Variants in CUX2 observed in about 807,000 individuals in gnomAD.
CUX2 encodes the protein homeobox protein cut-like 2.
CUX2 carries 40 observed loss-of-function variants against 144.8 expected under a neutral mutation model. The observed-to-expected ratio is 0.28, with a 90% CI of 0.21 to 0.36. The LOEUF is 0.36. Ranked by LOEUF, CUX2 falls within the 10% of genes least tolerant of loss-of-function variation. The pLI, the probability that CUX2 is intolerant of heterozygous loss-of-function variation, is 1.00. For missense variants in CUX2, 1,615 were observed against 1,994.0 expected (o/e 0.81, Z 3.62); for synonymous variants, 827 against 875.6 (o/e 0.94, Z 0.98).
intron 3 of CUX2, among the ~76,000 whole-genome samples, chr12:111,223,656 A>C (rs1592854422): frequency 6.6e-6 from 1 of 152,222 alleles, no homozygotes; most frequent in African/African-American, 2.4e-5. Flanking sequence ...ATAAGACAGC[A>C]CATGGCGGAG....
rs1442399445 is a variant in CUX2, at chr12:111,246,764, G to GT, written c.223-16995dup. On this transcript the variant is annotated intron_variant, in intron 3 of 21. Transcript: ENST00000261726. This position sits in a 1 kb window ranked among gnomAD's most constrained non-coding sequence, Gnocchi z 4.0. ...TTTGTATGCAACTGCTCTCCCTCCT[G>GT]TTGAATCAACGGCCTGCCTCTCTTG... Among the ~76,000 whole-genome samples the GT allele has an allele frequency of 2.6e-5, 4 of 152,160 alleles. No individual in the cohort carries two copies. The highest frequency in any genetic ancestry group is 6.5e-5 in the Admixed American group (1 of 15,278).
At chr12:111,325,243 G>T (rs949568423) in intron 18 of CUX2, among the ~76,000 whole-genome samples, 1 of 151,740 alleles carries the variant, frequency 6.6e-6, no homozygotes, top group African/African-American at 2.4e-5. Flanking sequence ...GCAATGAGCC[G>T]AGATCCTGTC....
chr12:111,133,165 C>G (rs913487714), intron 1 of CUX2, among the ~76,000 whole-genome samples: 14 of 152,152 alleles, frequency 9.2e-5, no homozygotes, highest in African/African-American at 3.4e-4. Context: ...CTAGGAGGTT[C>G]CAAACATTTC....
chr12:111,188,646 G>A (rs893270972), intron 1 of CUX2, among the ~76,000 whole-genome samples: 1 of 152,140 alleles, frequency 6.6e-6, no homozygotes, highest in South Asian at 2.1e-4. Context: ...GAGCGGGGGG[G>A]AAAGGAGGGC....
chr12:111,305,091 C>T (rs1185903631), intron 10 of CUX2, among the ~76,000 whole-genome samples: 1 of 152,164 alleles, frequency 6.6e-6, no homozygotes, highest in African/African-American at 2.4e-5. Flanking sequence ...CTTTGGGGTC[C>T]TAGTGTCATT....
chr12:111,235,518 C>T (rs1380084912), intron 3 of CUX2, among the ~76,000 whole-genome samples: 3 of 151,796 alleles, frequency 2.0e-5, no homozygotes, highest in African/African-American at 2.4e-5. Flanking sequence ...GTCGGGAGTT[C>T]GAGACCAGCC....
At chr12:111,107,242 G>GT (rs1036900054) in intron 1 of CUX2, among the ~76,000 whole-genome samples, 3 of 152,186 alleles carry the variant, frequency 2.0e-5, no homozygotes, top group Non-Finnish European at 2.9e-5. Context: ...AGACCCCCCG[G>GT]TGGCCTTCCT....
chr12:111,065,461 G>C (rs1414801973), intron 1 of CUX2, among the ~76,000 whole-genome samples: 1 of 152,198 alleles, frequency 6.6e-6, no homozygotes, highest in Non-Finnish European at 1.5e-5. Flanking sequence ...TCAGCCTCCT[G>C]AGTAGCTGGG....
At chr12:111,070,958 C>T (rs1230840679) in intron 1 of CUX2, among the ~76,000 whole-genome samples, 1 of 152,024 alleles carries the variant, frequency 6.6e-6, no homozygotes, top group Non-Finnish European at 1.5e-5. Flanking sequence ...TTTTTTAGTG[C>T]CAAATAATAT....
At chr12:111,276,574 T>C (rs1158801588) in intron 4 of CUX2, among the ~76,000 whole-genome samples, 1 of 152,120 alleles carries the variant, frequency 6.6e-6, no homozygotes, top group Non-Finnish European at 1.5e-5. Context: ...TAGGCCTCAG[T>C]GTTCTCATCT....
Position 111,059,448 on chromosome 12 carries a change from G to C in CUX2, c.63+25208G>C, listed in dbSNP as rs1021870147. On this transcript the variant is annotated intron_variant, in intron 1 of 21. Transcript: ENST00000261726. This position sits in a 1 kb window ranked among gnomAD's most constrained non-coding sequence, Gnocchi z 5.3. Reference sequence around the variant, plus strand: ...TAGCCAGGCCAACTCCCAGTGAGGGGAGCAGGACTACTGCCTGATTCCTGG... The same window carrying C: ...TAGCCAGGCCAACTCCCAGTGAGGGCAGCAGGACTACTGCCTGATTCCTGG... 1.3e-5 allele frequency among the ~76,000 whole-genome samples: 2 copies of C among 152,224 alleles called. No individual in the cohort carries two copies. Among genetic ancestry groups the C allele is most frequent in the African/African-American group, 4.8e-5 (2 of 41,448 alleles).
At chr12:111,198,873 G>GC (rs752523456) in intron 1 of CUX2, among the ~76,000 whole-genome samples, 32 of 152,196 alleles carry the variant, frequency 2.1e-4, no homozygotes, top group Non-Finnish European at 3.5e-4. Context: ...GCAGAGAGGG[G>GC]CCCCCCTAAG....
Position 111,295,464 on chromosome 12 carries a change from T to C in CUX2, c.637+55T>C. 6.6e-7 allele frequency: 1 copy of C among 1,511,156 alleles called. No homozygotes were observed. The highest frequency in any genetic ancestry group is 9.1e-7 in the Non-Finnish European group (1 of 1,103,572). 93.6% of individuals were successfully genotyped at this position (1,511,156 alleles called of 1,614,324 possible). A position where few individuals can be genotyped will look rare whatever the true frequency, so the allele number is the denominator to read the frequency against. On this transcript the variant is annotated intron_variant, in intron 7 of 21. Coordinates refer to ENST00000261726, the MANE Select transcript of CUX2 (RefSeq NM_015267.4). This position sits in a 1 kb window ranked among gnomAD's most constrained non-coding sequence, Gnocchi z 5.0. ...GAGGACTGGGAGGGGACGGTAATGC[T>C]GTCAACGAGGGGTCACGGCTTGGGG...
At chr12:111,211,831 G>A (rs1365050709) in intron 1 of CUX2, among the ~76,000 whole-genome samples, 2 of 151,248 alleles carry the variant, frequency 1.3e-5, no homozygotes, top group Non-Finnish European at 2.9e-5. Flanking sequence ...AGCTTGCAGT[G>A]AGCTGAGATG....
intron 19 of CUX2, among the ~76,000 whole-genome samples, chr12:111,337,146 G>C (rs1888387566): frequency 6.6e-6 from 1 of 152,032 alleles, no homozygotes; most frequent in African/African-American, 2.4e-5. Flanking sequence ...CTGCAGTCCA[G>C]CCTGGGTGAT....
intron 19 of CUX2, among the ~76,000 whole-genome samples, chr12:111,335,457 C>A (rs1212824712): frequency 1.3e-5 from 2 of 151,258 alleles, no homozygotes; most frequent in Non-Finnish European, 2.9e-5. Context: ...ACGCCTGTAA[C>A]CTCAGCACTT....
rs1555213127 is a variant in CUX2 at position 111,295,765 on chromosome 12, A to AAGTAATTAATTAATTAATTT, written c.637+357_637+358insGTAATTAATTAATTAATTTA. ...AGACCCTGTCTCTAATTAATTAATT[A>AAGTAATTAATTAATTAATTT]ATTAATTAATTAATTTAATACAACC... On this transcript the variant is annotated intron_variant, in intron 7 of 21. Coordinates refer to ENST00000261726, the MANE Select transcript of CUX2 (RefSeq NM_015267.4). The surrounding 1 kb of genome is among the most constrained non-coding windows in gnomAD (Gnocchi z 5.0). Among the ~76,000 whole-genome samples, 4 of 151,360 alleles carry AAGTAATTAATTAATTAATTT rather than the reference A, an allele frequency of 2.6e-5. No individual in the cohort carries two copies. In the East Asian group the frequency reaches 8.0e-4, roughly 30 times the overall value.
At chr12:111,341,698 T>C (rs1324440126) in intron 20 of CUX2, 82 bp from the exon 21 acceptor site, 1 of 1,461,870 alleles carries the variant, frequency 6.8e-7, no homozygotes, top group African/African-American at 1.4e-5. Flanking sequence ...ACAGATGCAC[T>C]CCCACCATGG....
rs536717811 is a variant in CUX2, at chr12:111,324,000, G to A, written c.2926+1420G>A. Among the ~76,000 whole-genome samples the A allele has an allele frequency of 2.0e-5, 3 of 152,202 alleles. No homozygotes were observed. In the South Asian group the frequency reaches 6.2e-4, roughly 32 times the overall value. ...TGCAGTGAGCTATGATCATGCCACT[G>A]CAGTGCATCTCACACTGCACTGGGC... On this transcript the variant is annotated intron_variant, in intron 18 of 21. Coordinates refer to ENST00000261726, the MANE Select transcript of CUX2 (RefSeq NM_015267.4).
Sources: gnomAD v4.1 joint callset for allele counts (sites outside exome capture counted in the v4.1 genomes callset) on GRCh38, gnomAD v4.1.1 for gene constraint, Gnocchi (gnomAD v3.1) non-coding constraint, MANE v1.5 for transcripts, NCBI Gene and HGNC (gene_info 2026-07-23, HGNC 2026-07-21) for gene names.